The following EPB41L3 variants were observed in gnomAD, a reference collection of about 807,000 sequenced individuals.
The protein encoded by EPB41L3 is band 4.1-like protein 3.
EPB41L3 carries 57 observed loss-of-function variants against 127.1 expected under a neutral mutation model. The observed-to-expected ratio is 0.45, with a 90% CI of 0.36 to 0.56. The LOEUF is 0.56. EPB41L3 is among the 20% of genes least tolerant of loss of function. The probability of loss-of-function intolerance (pLI) is 0.00; values close to 1 mark genes in which losing one functional copy is unlikely to be tolerated. For synonymous variants in EPB41L3, 572 were observed against 549.5 expected (o/e 1.04, Z -0.57); for missense variants, 1,273 against 1,372.2 (o/e 0.93, Z 1.14).
intron 1 of EPB41L3, among the ~76,000 whole-genome samples, chr18:5,516,840 G>C (rs959131539): frequency 6.6e-6 from 1 of 152,180 alleles, no homozygotes; most frequent in African/African-American, 2.4e-5. Flanking sequence ...GCCTCAATTT[G>C]CCAGTTAATT....
chr18:5,546,541 CAACA>C (rs539883570), upstream of EPB41L3, among the ~76,000 whole-genome samples: 76 of 152,028 alleles, frequency 5.0e-4, no homozygotes, highest in Admixed American at 2.6e-4. Context: ...AAAACTACAA[CAACA>C]AACAAACAAA....
At chr18:5,595,533 C>G (rs964355259) in intron 3 of EPB41L3, among the ~76,000 whole-genome samples, 1 of 152,134 alleles carries the variant, frequency 6.6e-6, no homozygotes, top group Admixed American at 6.6e-5. Flanking sequence ...CGTGCCATGT[C>G]TTTTGGGAAC....
intron 3 of EPB41L3, among the ~76,000 whole-genome samples, chr18:5,475,575 G>A (rs1191697728): frequency 6.6e-6 from 1 of 152,142 alleles, no homozygotes; most frequent in Non-Finnish European, 1.5e-5. Context: ...ACACACTGTT[G>A]GTTCACGATG....
chr18:5,441,248 G>T (rs62080551), intron 5 of EPB41L3, among the ~76,000 whole-genome samples: 12,196 of 152,140 alleles, frequency 0.08, 649 homozygotes, highest in Non-Finnish European at 0.12. Flanking sequence ...TTTTCTTAGA[G>T]ATCTCATTCT....
intron 16 of EPB41L3, chr18:5,399,724 T>C (rs1472869507): frequency 5.0e-5 from 9 of 178,384 alleles, no homozygotes; most frequent in Non-Finnish European, 1.0e-4. Flanking sequence ...TGTTGCTCTA[T>C]AAGTTACTTA....
intron 1 of EPB41L3, among the ~76,000 whole-genome samples, chr18:5,542,281 G>T (rs2093752972): frequency 6.6e-6 from 1 of 152,192 alleles, no homozygotes; most frequent in South Asian, 2.1e-4. Flanking sequence ...CTACGTCCAT[G>T]GCTCACAGAC....
At chr18:5,500,855 C>A (rs2091682445) in intron 1 of EPB41L3, among the ~76,000 whole-genome samples, 1 of 152,156 alleles carries the variant, frequency 6.6e-6, no homozygotes, top group Non-Finnish European at 1.5e-5. Flanking sequence ...CAAGGAGCTG[C>A]CCTGGACATT....
chr18:5,429,396 G>T (rs1049059835), intron 8 of EPB41L3: 1 of 152,152 alleles, frequency 6.6e-6, no homozygotes, highest in African/African-American at 2.4e-5. Context: ...CTTTAAGTCA[G>T]GGTAAAACGA....
chr18:5,452,378 C>CTT (rs10700644), intron 3 of EPB41L3, among the ~76,000 whole-genome samples: 46,715 of 145,168 alleles, frequency 0.32, 7,873 homozygotes, highest in East Asian at 0.42. Context: ...GCCTAAAATC[C>CTT]TTTTTTTTTT....
At chr18:5,534,389 G>A (rs936820462) in intron 1 of EPB41L3, among the ~76,000 whole-genome samples, 2 of 152,176 alleles carry the variant, frequency 1.3e-5, no homozygotes, top group African/African-American at 2.4e-5. Flanking sequence ...GGACCACCTG[G>A]ATCAGATTTC....
At chr18:5,617,955 G>A (rs2094817344) in intron 1 of EPB41L3, among the ~76,000 whole-genome samples, 1 of 152,046 alleles carries the variant, frequency 6.6e-6, no homozygotes, top group South Asian at 2.1e-4. Context: ...ATCCATCTAG[G>A]GAGGTACCAT....
chr18:5,548,697 A>G (rs538604129), upstream of EPB41L3, among the ~76,000 whole-genome samples: 6 of 147,938 alleles, frequency 4.1e-5, no homozygotes, highest in East Asian at 1.2e-3. Flanking sequence ...GGGTTATTCT[A>G]GTGATCAATT....
chr18:5,451,917 C>T (rs1429656510), intron 3 of EPB41L3, among the ~76,000 whole-genome samples: 1 of 152,202 alleles, frequency 6.6e-6, no homozygotes, highest in Non-Finnish European at 1.5e-5. Flanking sequence ...CGGCTCACTG[C>T]AACCTCTGCC....
chr18:5,536,074 G>C (rs2093563490), intron 1 of EPB41L3, among the ~76,000 whole-genome samples: 1 of 152,044 alleles, frequency 6.6e-6, no homozygotes, highest in African/African-American at 2.4e-5. Flanking sequence ...GGGCACCCAG[G>C]AACTCAGGTT....
intron 3 of EPB41L3, among the ~76,000 whole-genome samples, chr18:5,549,509 C>T (rs188838786): frequency 6.6e-6 from 1 of 152,130 alleles, no homozygotes; most frequent in Non-Finnish European, 1.5e-5. Flanking sequence ...TCTGAGGATA[C>T]CAGAGTTTCT....
At chr18:5,542,828 T>C (rs1051007101) in intron 1 of EPB41L3, among the ~76,000 whole-genome samples, 2 of 152,188 alleles carry the variant, frequency 1.3e-5, no homozygotes, top group African/African-American at 2.4e-5. Flanking sequence ...ACCCACCGCA[T>C]TGCAGAAGCC....
At chr18:5,482,189 G>T (rs1485294495) in intron 2 of EPB41L3, among the ~76,000 whole-genome samples, 1 of 152,088 alleles carries the variant, frequency 6.6e-6, no homozygotes, top group Non-Finnish European at 1.5e-5. Context: ...AAATCAAACA[G>T]AAATCTCAGA....
intron 3 of EPB41L3, chr18:5,463,871 G>A (rs2084471157): frequency 2.6e-5 from 4 of 152,266 alleles, no homozygotes; most frequent in Admixed American, 2.0e-4. Context: ...AGGCTACTAT[G>A]TGTATCGGGT....
At chr18:5,516,431 T>G (rs1372194707) in intron 1 of EPB41L3, among the ~76,000 whole-genome samples, 1 of 152,210 alleles carries the variant, frequency 6.6e-6, no homozygotes, top group African/African-American at 2.4e-5. Context: ...CCTGACATTA[T>G]CAGTTGTTCT....
Sources: gnomAD v4.1 joint callset for allele counts (sites outside exome capture counted in the v4.1 genomes callset) on GRCh38, gnomAD v4.1.1 for gene constraint, MANE v1.5 for transcripts, NCBI Gene and HGNC (gene_info 2026-07-23, HGNC 2026-07-21) for gene names.